Variants in NSD3 observed in about 807,000 individuals in gnomAD.
NSD3 encodes the protein nuclear receptor binding SET domain protein 3.
Under a neutral mutation model 160.8 loss-of-function variants are expected in NSD3, and 24 were observed. The ratio of observed to expected loss-of-function variants is 0.15; its 90% confidence interval spans 0.11 to 0.21. The LOEUF is 0.21. Among genes scored for constraint, NSD3 ranks in the 10% least tolerant of loss-of-function variants. The pLI, the probability that NSD3 is intolerant of heterozygous loss-of-function variation, is 1.00. For missense variants in NSD3, 1,157 were observed against 1,735.9 expected (o/e 0.67, Z 5.93); for synonymous variants, 520 against 600.0 (o/e 0.87, Z 1.95).
At chr8:38,311,695 A>G (rs1014169346) in intron 12 of NSD3, among the ~76,000 whole-genome samples, 6 of 152,158 alleles carry the variant, frequency 3.9e-5, no homozygotes, top group Non-Finnish European at 7.4e-5. Context: ...ATGCTTTATG[A>G]GATATGTAAT....
intron 12 of NSD3, among the ~76,000 whole-genome samples, chr8:38,305,965 G>C (rs934577374): frequency 4.6e-5 from 7 of 152,030 alleles, no homozygotes; most frequent in Non-Finnish European, 1.0e-4. Context: ...AAACAGAGCT[G>C]ACTGAAAGAG....
At position 38,326,759 on chromosome 8, in the gene NSD3, G is replaced by A. The variant is rs1420471815; in HGVS notation, c.1679C>T (p.Ser560Leu). ...AGAACCAGATGTTGCTTCAGGAGAT[G>A]ATACACTCTGCGTTGGCTTTTCATT... ...QRNEKPTQSV[S>L]SPEATSGSTG... is the part of the protein sequence containing the mutation. Residue 560 changes from serine to leucine, a missense_variant, in exon 7 of 24, where the codon TCA becomes TTA. Coordinates refer to ENST00000317025, the MANE Select transcript of NSD3 (RefSeq NM_023034.2). 1.9e-6 allele frequency: 3 copies of A among 1,613,842 alleles called. No homozygotes were observed. The highest frequency in any genetic ancestry group is 4.5e-5 in the East Asian group (2 of 44,856).
chr8:38,313,413 C>G (rs1809580872), intron 12 of NSD3, among the ~76,000 whole-genome samples: 1 of 152,136 alleles, frequency 6.6e-6, no homozygotes, highest in Non-Finnish European at 1.5e-5. Flanking sequence ...AATCCTGTTT[C>G]TCCTTCTGCA....
At chr8:38,332,974 G>A (rs1810102978) in intron 4 of NSD3, among the ~76,000 whole-genome samples, 1 of 152,086 alleles carries the variant, frequency 6.6e-6, no homozygotes, top group Non-Finnish European at 1.5e-5. Context: ...CATCTCATCT[G>A]AGAATAAAGA....
chr8:38,304,208 G>T (rs1809342637), intron 14 of NSD3, among the ~76,000 whole-genome samples: 1 of 152,194 alleles, frequency 6.6e-6, no homozygotes, highest in Non-Finnish European at 1.5e-5. Flanking sequence ...ATCTCAATCA[G>T]TTGAAAGTTC....
At chr8:38,276,841 T>C (rs1016052485) in intron 22 of NSD3, among the ~76,000 whole-genome samples, 2 of 152,106 alleles carry the variant, frequency 1.3e-5, no homozygotes, top group African/African-American at 4.8e-5. Flanking sequence ...CATGTCATCA[T>C]GCCTGGCTAA....
At chr8:38,325,858 A>G (rs1195880400) in intron 7 of NSD3, among the ~76,000 whole-genome samples, 1 of 149,518 alleles carries the variant, frequency 6.7e-6, no homozygotes, top group Non-Finnish European at 1.5e-5. Flanking sequence ...CCCCGTCTCA[A>G]AAAAAAAAAG....
intron 1 of NSD3, among the ~76,000 whole-genome samples, chr8:38,360,949 G>C (rs185567677): frequency 2.4e-4 from 37 of 152,202 alleles, no homozygotes; most frequent in African/African-American, 7.9e-4. Context: ...TCCAGAACAG[G>C]ACTTGTTATA....
intron 2 of NSD3, among the ~76,000 whole-genome samples, chr8:38,342,716 C>T (rs544366116): frequency 3.3e-5 from 5 of 151,508 alleles, no homozygotes; most frequent in East Asian, 2.0e-4. Flanking sequence ...TACAGGCACG[C>T]GCCACCACGC....
At chr8:38,291,340 T>C (rs1182002680) in intron 16 of NSD3, among the ~76,000 whole-genome samples, 2 of 152,128 alleles carry the variant, frequency 1.3e-5, no homozygotes, top group Non-Finnish European at 2.9e-5. Context: ...AATCTGACAG[T>C]TTCTAGCAAG....
chr8:38,374,271 C>T (rs959462055), intron 1 of NSD3, among the ~76,000 whole-genome samples: 1 of 151,924 alleles, frequency 6.6e-6, no homozygotes, highest in East Asian at 1.9e-4. Context: ...GAGCAAGACC[C>T]TGTCTCTAAA....
chr8:38,380,025 A>G (rs1026431728), intron 1 of NSD3, among the ~76,000 whole-genome samples: 5 of 152,220 alleles, frequency 3.3e-5, no homozygotes, highest in Admixed American at 1.3e-4. Flanking sequence ...CAATCAAAAA[A>G]CGAACAAACA....
At chr8:38,303,560 T>C (rs937104311) in intron 14 of NSD3, among the ~76,000 whole-genome samples, 1 of 152,238 alleles carries the variant, frequency 6.6e-6, no homozygotes. Context: ...CCAAGTAATG[T>C]TTTCATAATG....
intron 12 of NSD3, among the ~76,000 whole-genome samples, chr8:38,312,823 C>T (rs1050974072): frequency 1.3e-4 from 20 of 152,136 alleles, no homozygotes; most frequent in African/African-American, 4.6e-4. Context: ...GCCACTTAAA[C>T]GTCTTTTCTT....
chr8:38,294,062 T>C (rs561643051), intron 16 of NSD3, among the ~76,000 whole-genome samples: 3 of 151,652 alleles, frequency 2.0e-5, no homozygotes, highest in African/African-American at 7.3e-5. Flanking sequence ...CCTCAAAATG[T>C]AGAGTTTTTT....
chr8:38,337,116 TG>T (rs1810237547), intron 4 of NSD3, among the ~76,000 whole-genome samples, 188 bp downstream of exon 4: 1 of 142,160 alleles, frequency 7.0e-6, no homozygotes, highest in African/African-American at 2.6e-5. Flanking sequence ...CACTCCAGCC[TG>T]GGCAACAGAG....
At chr8:38,284,347 G>T (rs1025002400) in intron 19 of NSD3, among the ~76,000 whole-genome samples, 6 of 152,186 alleles carry the variant, frequency 3.9e-5, no homozygotes, top group African/African-American at 1.4e-4. Flanking sequence ...TTGCCATCTT[G>T]GCTGCATTGC....
intron 1 of NSD3, among the ~76,000 whole-genome samples, chr8:38,376,625 C>G (rs778479036): frequency 6.6e-6 from 1 of 152,002 alleles, no homozygotes; most frequent in Admixed American, 6.5e-5. Flanking sequence ...TTAGTAGAGA[C>G]GGGGTTTCAC....
At chr8:38,378,777 C>T (rs1358048232) in intron 1 of NSD3, among the ~76,000 whole-genome samples, 1 of 149,886 alleles carries the variant, frequency 6.7e-6, no homozygotes, top group Non-Finnish European at 1.5e-5. Context: ...GAACCGAGAT[C>T]GCACCATTGC....
Sources: allele counts gnomAD v4.1 joint callset (sites outside exome capture counted in the v4.1 genomes callset), GRCh38; gene constraint gnomAD v4.1.1; transcripts MANE v1.5; gene names NCBI Gene and HGNC (gene_info 2026-07-23, HGNC 2026-07-21).